ITGA8: variants seen among roughly 807,000 people sequenced by gnomAD.
The protein encoded by ITGA8 is integrin alpha-8.
ITGA8 carries 91 observed loss-of-function variants against 142.3 expected under a neutral mutation model. That is an observed-to-expected ratio of 0.64 (90% CI 0.54 to 0.76). ITGA8 has a LOEUF of 0.76. Among genes scored for constraint, ITGA8 ranks in the 30% least tolerant of loss-of-function variants. The pLI, the probability that ITGA8 is intolerant of heterozygous loss-of-function variation, is 0.00. For missense variants in ITGA8, 1,406 were observed against 1,327.7 expected (o/e 1.06, Z -0.92); for synonymous variants, 505 against 485.2 (o/e 1.04, Z -0.54).
Position 15,672,703 on chromosome 10 carries a change from T to G in ITGA8, c.723A>C (p.Ser241=), listed in dbSNP as rs146907837. Residue 241 remains serine, a synonymous_variant, in exon 7 of 30, where the codon TCA becomes TCC. Transcript: ENST00000378076. ...CCAGTTTCCTGAGGATATCCTTGAA[T>G]GAGTAATTTGCAATGATATCTGCAA... ...ASVADIIANY[S]FKDILRKLAG... is the part of the protein sequence containing the mutation. The G allele has an allele frequency of 8.7e-5, 141 of 1,613,744 alleles. No individual in the cohort carries two copies. In the East Asian group the frequency reaches 1.2e-3, roughly 14 times the overall value.
intron 28 of ITGA8, among the ~76,000 whole-genome samples, chr10:15,527,814 C>G (rs1420749005): frequency 6.6e-6 from 1 of 150,484 alleles, no homozygotes; most frequent in Non-Finnish European, 1.5e-5. Context: ...CAAAGAATGA[C>G]TTTCCTCAGG....
intron 2 of ITGA8, among the ~76,000 whole-genome samples, chr10:15,702,193 T>C (rs1394089831): frequency 1.3e-5 from 2 of 152,182 alleles, no homozygotes; most frequent in Admixed American, 1.3e-4. Flanking sequence ...CACGTATGCA[T>C]ACTATATACA....
At position 15,637,936 on chromosome 10, in the gene ITGA8, A is replaced by G. The variant is rs150427932; in HGVS notation, c.1399+6094T>C. Among the ~76,000 whole-genome samples, 524 of 152,250 alleles carry G rather than the reference A, an allele frequency of 3.4e-3. 3 individuals are homozygous for G. The highest frequency in any genetic ancestry group is 0.012 in the African/African-American group (487 of 41,520). On this transcript the variant is annotated intron_variant, in intron 13 of 29. Transcript: ENST00000378076. ...AATACATACATAGATGTTTGAGTATATATATCTGTGAATGAGAGAGATTCC... is the reference window on the plus strand; with the variant it reads ...AATACATACATAGATGTTTGAGTATGTATATCTGTGAATGAGAGAGATTCC...
intron 23 of ITGA8, among the ~76,000 whole-genome samples, chr10:15,585,772 G>A (rs767044697): frequency 5.3e-5 from 8 of 151,984 alleles, no homozygotes; most frequent in African/African-American, 1.7e-4. Context: ...CTTTTCCCCC[G>A]TCTCTCAGTT....
intron 13 of ITGA8, among the ~76,000 whole-genome samples, chr10:15,638,023 G>T (rs950943952): frequency 2.0e-5 from 3 of 151,992 alleles, no homozygotes; most frequent in African/African-American, 7.3e-5. Flanking sequence ...CATGCTTTGG[G>T]CTCTTAATTA....
intron 13 of ITGA8, among the ~76,000 whole-genome samples, chr10:15,628,897 A>G (rs1833635721): frequency 6.6e-6 from 1 of 152,022 alleles, no homozygotes; most frequent in African/African-American, 2.4e-5. Context: ...TAACTGTGCG[A>G]GTACTTTACA....
intron 2 of ITGA8, among the ~76,000 whole-genome samples, chr10:15,700,523 T>A (rs1262765716): frequency 6.6e-6 from 1 of 152,166 alleles, no homozygotes; most frequent in South Asian, 2.1e-4. Context: ...GCAAATAAGA[T>A]GTCGCATGCA....
intron 24 of ITGA8, among the ~76,000 whole-genome samples, chr10:15,574,296 C>T (rs1284847344): frequency 4.6e-5 from 7 of 152,320 alleles, no homozygotes; most frequent in Non-Finnish European, 1.0e-4. Context: ...ATTTAAAAAT[C>T]TCAGAATAAG....
intron 13 of ITGA8, among the ~76,000 whole-genome samples, chr10:15,627,442 T>C (rs971137628): frequency 6.6e-6 from 1 of 152,152 alleles, no homozygotes; most frequent in African/African-American, 2.4e-5. Context: ...CTCGTGAACT[T>C]CTCTTAGGGT....
At chr10:15,648,402 G>A (rs1834026003) in intron 11 of ITGA8, among the ~76,000 whole-genome samples, 1 of 150,448 alleles carries the variant, frequency 6.6e-6, no homozygotes, top group African/African-American at 2.4e-5. Context: ...TAATATTCAT[G>A]TATATGAATG....
At chr10:15,608,377 A>G in intron 15 of ITGA8, 87 bp from the exon 16 acceptor site, 1 of 744,830 alleles carries the variant, frequency 1.3e-6, no homozygotes, top group Admixed American at 2.5e-5. Context: ...GATAACGAAT[A>G]TCATTTTCTC....
intron 22 of ITGA8, among the ~76,000 whole-genome samples, chr10:15,587,960 A>G (rs565468417): frequency 6.6e-6 from 1 of 152,284 alleles, no homozygotes; most frequent in African/African-American, 2.4e-5. Context: ...TTATGCTTTT[A>G]CTGAAGTCAC....
chr10:15,521,224 A>G (rs1833062925), intron 28 of ITGA8, among the ~76,000 whole-genome samples: 1 of 151,712 alleles, frequency 6.6e-6, no homozygotes, highest in South Asian at 2.1e-4. Flanking sequence ...TGGTTTCACC[A>G]TTCTGGCCAG....
intron 4 of ITGA8, among the ~76,000 whole-genome samples, chr10:15,683,300 T>TCCACCCATCCACCCATCCAC (rs1564407368): frequency 1.4e-5 from 2 of 140,632 alleles, no homozygotes; most frequent in African/African-American, 5.5e-5. Context: ...CATCCACCCA[T>TCCACCCATCCACCCATCCAC]CCACCCACCC....
rs76313187 is a variant in ITGA8 at position 15,637,518 on chromosome 10, T to G, written c.1399+6512A>C. ...AGACTCTTTAAATTTTTTTTTTTTT[T>G]TTTTGTTTTTGAGACAGGGTCTCAC... On this transcript the variant is annotated intron_variant, in intron 13 of 29. Transcript: ENST00000378076. Among the ~76,000 whole-genome samples, 23 of 103,214 alleles carry G rather than the reference T, an allele frequency of 2.2e-4. No individual in the cohort carries two copies. In the East Asian group the frequency reaches 3.6e-3, roughly 16 times the overall value. 67.7% of individuals were successfully genotyped at this position (103,214 alleles called of 152,430 possible).
intron 26 of ITGA8, among the ~76,000 whole-genome samples, chr10:15,553,187 G>A (rs1833822896): frequency 6.6e-6 from 1 of 152,016 alleles, no homozygotes; most frequent in Non-Finnish European, 1.5e-5. Flanking sequence ...AATCCGGGAG[G>A]CCGAGGTTAC....
At chr10:15,544,659 G>A (rs1259126907) in intron 27 of ITGA8, among the ~76,000 whole-genome samples, 1 of 152,212 alleles carries the variant, frequency 6.6e-6, no homozygotes, top group Non-Finnish European at 1.5e-5. Flanking sequence ...ACGATCTGTG[G>A]TAGCAACCCT....
intron 10 of ITGA8, 61 bp from the exon 11 acceptor site, chr10:15,655,467 C>A (rs1437185123): frequency 3.7e-6 from 4 of 1,078,716 alleles, no homozygotes; most frequent in Non-Finnish European, 5.7e-6. Context: ...GTAGTCATGT[C>A]TCTATTATTC....
chr10:15,647,214 A>G (rs940009101), intron 11 of ITGA8, among the ~76,000 whole-genome samples, 163 bp from the exon 12 acceptor site: 1 of 152,166 alleles, frequency 6.6e-6, no homozygotes, highest in Admixed American at 6.6e-5. Flanking sequence ...ATATCTATGG[A>G]ATCGAATGCT....
Sources: allele counts gnomAD v4.1 joint callset (sites outside exome capture counted in the v4.1 genomes callset), GRCh38; gene constraint gnomAD v4.1.1; transcripts MANE v1.5; gene names NCBI Gene and HGNC (gene_info 2026-07-23, HGNC 2026-07-21).